The following SATB1 variants were observed in gnomAD, a reference collection of about 807,000 sequenced individuals.
The protein encoded by SATB1 is DNA-binding protein SATB1.
A neutral mutation model predicts 86.9 loss-of-function variants in SATB1; 11 were observed. The ratio of observed to expected loss-of-function variants is 0.13; its 90% CI spans 0.08 to 0.21. SATB1 has a LOEUF of 0.21. SATB1 is among the 10% of genes least tolerant of loss of function. The probability of loss-of-function intolerance (pLI) is 1.00; values close to 1 mark genes in which losing one functional copy is unlikely to be tolerated. For synonymous variants in SATB1, 357 were observed against 357.2 expected (o/e 1.00, Z 0.01); for missense variants, 551 against 937.6 (o/e 0.59, Z 5.39).
intron 9 of SATB1, among the ~76,000 whole-genome samples, chr3:18,374,767 G>C (rs1325076540): frequency 6.6e-6 from 1 of 152,132 alleles, no homozygotes; most frequent in East Asian, 1.9e-4. Context: ...TTTTAAAATG[G>C]AAGGTATTTA....
At position 18,403,562 on chromosome 3, in the gene SATB1, A is replaced by C. The variant is rs534339988; in HGVS notation, c.640-6272T>G. ...ACATATCTGTTATGTCTGTGCTTTA[A>C]ATGAAAGCACATCATTCCTAATGTC... On this transcript the variant is annotated intron_variant, in intron 5 of 10. Coordinates refer to ENST00000338745, the MANE Select transcript of SATB1 (RefSeq NM_002971.6). 2.0e-5 allele frequency among the ~76,000 whole-genome samples: 3 copies of C among 152,234 alleles called. No homozygotes were observed. In the East Asian group the frequency reaches 5.8e-4, roughly 30 times the overall value.
In SATB1 at chr3:18,348,861, T is replaced by TA. The variant is rs149083875; in HGVS notation, c.*308dup. The TA allele has an allele frequency of 0.03, 8,725 of 286,280 alleles. 40 individuals carry two copies. Among genetic ancestry groups the TA allele is most frequent in the African/African-American group, 0.044 (1,950 of 43,876 alleles). 17.7% of individuals were successfully genotyped at this position (286,280 alleles called of 1,614,324 possible). The stretch of plus-strand genomic sequence containing the variant: ...TTGTTTGAGGCTCCGGAATAAGAAC[T>TA]AAAAAAAAAACAAAAAACACTGGTT... On this transcript the variant is annotated 3_prime_UTR_variant, in exon 11 of 11. Coordinates refer to ENST00000338745, the MANE Select transcript of SATB1 (RefSeq NM_002971.6).
Position 18,394,813 on chromosome 3 carries a change from A to G in SATB1, c.855T>C (p.Pro285=). ...GCTGGCTGCCATGGGAGAGCTGCGC[A>G]GGGGATGGAGGCTGCTCGGCTGTGT... The part of the protein sequence containing the change: ...PGNTAEQPPS[P]AQLSHGSQPS... Residue 285 remains proline (P), a synonymous_variant, in exon 7 of 11, where the codon CCT becomes CCC. Coordinates refer to ENST00000338745, the MANE Select transcript of SATB1 (RefSeq NM_002971.6). The surrounding 1 kb of genome is among the most constrained non-coding windows in gnomAD (Gnocchi z 5.9). 1 of 1,614,140 alleles carries G rather than the reference A, an allele frequency of 6.2e-7. No individual in the cohort carries two copies. Among genetic ancestry groups the G allele is most frequent in the Non-Finnish European group, 8.5e-7 (1 of 1,180,024 alleles).
At chr3:18,437,650 A>T (rs531979594) in intron 1 of SATB1, among the ~76,000 whole-genome samples, 2 of 152,296 alleles carry the variant, frequency 1.3e-5, no homozygotes, top group East Asian at 3.9e-4. Flanking sequence ...ATTGTTTCTG[A>T]GTCCTCTTGA....
chr3:18,377,110 G>T (rs972181438), intron 9 of SATB1, among the ~76,000 whole-genome samples: 3 of 152,130 alleles, frequency 2.0e-5, no homozygotes, highest in Non-Finnish European at 4.4e-5. Flanking sequence ...TATAAATGTC[G>T]ATAGGGTAAA....
chr3:18,385,627 G>GA (rs71839568), intron 8 of SATB1, among the ~76,000 whole-genome samples: 120,398 of 144,702 alleles, frequency 0.83, 49,909 homozygotes, highest in East Asian at 0.87. Flanking sequence ...CATCTCAAAA[G>GA]AAAAAAAAAA....
intron 4 of SATB1, 59 bp from the exon 5 acceptor site, chr3:18,415,293 ATTCCT>A: frequency 6.3e-7 from 1 of 1,598,296 alleles, no homozygotes; most frequent in African/African-American, 1.3e-5. Flanking sequence ...GCTGCAGAAC[ATTCCT>A]TTAAGACAGA....
At chr3:18,392,775 A>G (rs149596521) in intron 7 of SATB1, among the ~76,000 whole-genome samples, 3 of 152,152 alleles carry the variant, frequency 2.0e-5, no homozygotes, top group Non-Finnish European at 4.4e-5. Flanking sequence ...AGAAACAGGA[A>G]TATTTAGAGG....
chr3:18,364,730 TAC>T (rs543631501), intron 9 of SATB1, among the ~76,000 whole-genome samples: 15 of 151,566 alleles, frequency 9.9e-5, no homozygotes, highest in South Asian at 2.1e-4. Context: ...TATATATATA[TAC>T]ACACACACAC....
At position 18,348,085 on chromosome 3, in the gene SATB1, AAAAG is replaced by A. The variant is rs1173097357; in HGVS notation, c.*1081_*1084del. 3 of 152,770 alleles carry A rather than the reference AAAAG, an allele frequency of 2.0e-5. No homozygotes were observed. Among genetic ancestry groups the A allele is most frequent in the African/African-American group, 7.2e-5 (3 of 41,572 alleles). The allele number at this position is 152,770 out of a possible 1,614,324, so 9.5% of individuals were successfully genotyped here. On this transcript the variant is annotated 3_prime_UTR_variant, in exon 11 of 11. Coordinates refer to ENST00000338745, the MANE Select transcript of SATB1 (RefSeq NM_002971.6). ...TGTTTTCATAGCCATAAACTCATAAAAAAGAAATACACCTTTATACAGAAATTTT... is the reference window on the plus strand; with the variant it reads ...TGTTTTCATAGCCATAAACTCATAAAAAATACACCTTTATACAGAAATTTT...
At chr3:18,384,689 CTTTTTT>C (rs1420968972) in intron 8 of SATB1, among the ~76,000 whole-genome samples, 1 of 151,940 alleles carries the variant, frequency 6.6e-6, no homozygotes, top group Admixed American at 6.6e-5. Flanking sequence ...TATATTTTTT[CTTTTTT>C]ATCATTCCTA....
chr3:18,429,130 G>A (rs1335262184), upstream of SATB1, among the ~76,000 whole-genome samples: 2 of 152,080 alleles, frequency 1.3e-5, no homozygotes, highest in Non-Finnish European at 2.9e-5. The surrounding 1 kb of genome is among the most constrained non-coding windows in gnomAD (Gnocchi z 4.1). Context: ...TTAGCTGCAG[G>A]TGGTGTTTTC....
Position 18,349,647 on chromosome 3 carries a change from CTGCTGCTGCTGCTGTTGCTGT to C in SATB1, c.1794_1814del (p.Gln601_Gln607del), listed in dbSNP as rs1273854647. On this transcript the variant is annotated inframe_deletion, in exon 11 of 11. Transcript: ENST00000338745. The surrounding 1 kb of genome is among the most constrained non-coding windows in gnomAD (Gnocchi z 5.5). Reference sequence around the variant, plus strand: ...GCTGTGGAGGCGGCGGTGCCTGCTGCTGCTGCTGCTGCTGTTGCTGTTGCTGCTGCTGTTGCTGCAAAGAAA... The same window carrying C: ...GCTGTGGAGGCGGCGGTGCCTGCTGCTGCTGCTGCTGTTGCTGCAAAGAAA... The C allele has an allele frequency of 3.7e-6, 6 of 1,610,708 alleles. No homozygotes were observed. The highest frequency in any genetic ancestry group is 1.1e-5 in the South Asian group (1 of 90,878).
At chr3:18,417,503 T>C in intron 2 of SATB1, 1 of 603,434 alleles carries the variant, frequency 1.7e-6, no homozygotes, top group Non-Finnish European at 2.9e-6. Flanking sequence ...TACATGATTT[T>C]GTTAATAATA....
At chr3:18,413,900 A>G (rs1697991705) in intron 5 of SATB1, among the ~76,000 whole-genome samples, 1 of 152,134 alleles carries the variant, frequency 6.6e-6, no homozygotes, top group Admixed American at 6.6e-5. Context: ...AACGTAACTT[A>G]GCAAATCTGA....
chr3:18,391,137 G>A (rs1281335465), intron 7 of SATB1, among the ~76,000 whole-genome samples: 1 of 152,022 alleles, frequency 6.6e-6, no homozygotes, highest in Non-Finnish European at 1.5e-5. Context: ...ACCCATGTGC[G>A]AAAGTCTTGG....
At chr3:18,380,150 T>TC (rs1283576857) in intron 8 of SATB1, among the ~76,000 whole-genome samples, 13 of 152,280 alleles carry the variant, frequency 8.5e-5, no homozygotes, top group Non-Finnish European at 1.6e-4. Flanking sequence ...TACCTATTTT[T>TC]CTCACTGCTT....
intron 9 of SATB1, among the ~76,000 whole-genome samples, chr3:18,360,464 G>A (rs1694853875): frequency 6.6e-6 from 1 of 151,732 alleles, no homozygotes; most frequent in African/African-American, 2.4e-5. Flanking sequence ...GCTGAGCACT[G>A]CCCTACATTC....
At chr3:18,435,552 G>C (rs1247027206) in intron 2 of SATB1, among the ~76,000 whole-genome samples, 1 of 152,034 alleles carries the variant, frequency 6.6e-6, no homozygotes, top group African/African-American at 2.4e-5. Context: ...GAACCCACCA[G>C]GTGACCAAAA....
Sources: gnomAD v4.1 joint callset for allele counts (sites outside exome capture counted in the v4.1 genomes callset) on GRCh38, gnomAD v4.1.1 for gene constraint, Gnocchi (gnomAD v3.1) non-coding constraint, MANE v1.5 for transcripts, NCBI Gene and HGNC (gene_info 2026-07-23, HGNC 2026-07-21) for gene names.